ANKRD11: variants seen among roughly 807,000 people sequenced by gnomAD.
ANKRD11 encodes ankyrin repeat domain-containing protein 11.
In ANKRD11, 17 loss-of-function variants were observed where a neutral mutation model predicts 195.7. The observed-to-expected ratio is 0.09, with a 90% confidence interval of 0.06 to 0.13. The LOEUF (loss-of-function observed/expected upper bound fraction) is 0.13. Among genes scored for constraint, ANKRD11 ranks in the 10% least tolerant of loss-of-function variants. ANKRD11 has a pLI of 1.00. For synonymous variants in ANKRD11, 1,953 were observed against 1,528.1 expected (o/e 1.28, Z -6.49); for missense variants, 3,735 against 3,566.1 (o/e 1.05, Z -1.21).
At chr16:89,288,804 A>G (rs553046114) in intron 6 of ANKRD11, 134 bp from the exon 7 acceptor site, 4 of 1,240,996 alleles carry the variant, frequency 3.2e-6, no homozygotes, top group African/African-American at 3.0e-5. Context: ...TGAGGGCTGC[A>G]GTTTAGGGAA....
intron 1 of ANKRD11, among the ~76,000 whole-genome samples, chr16:89,463,233 C>G (rs796623122): frequency 6.6e-6 from 1 of 152,236 alleles, no homozygotes; most frequent in East Asian, 1.9e-4. Flanking sequence ...GAATAGAAAG[C>G]GGGGAAAGGT....
At chr16:89,431,073 C>T (rs556237846) in intron 1 of ANKRD11, among the ~76,000 whole-genome samples, 1 of 152,120 alleles carries the variant, frequency 6.6e-6, no homozygotes, top group Non-Finnish European at 1.5e-5. Context: ...TTAACATCTG[C>T]TCCTTCCTCC....
chr16:89,299,141 G>C (rs545707820), intron 4 of ANKRD11: 1 of 154,600 alleles, frequency 6.5e-6, no homozygotes, highest in Admixed American at 6.5e-5. Context: ...AGGTGGCAGA[G>C]AGTCAGGCTG....
At chr16:89,465,895 A>C (rs1214209355) in intron 1 of ANKRD11, among the ~76,000 whole-genome samples, 2 of 152,088 alleles carry the variant, frequency 1.3e-5, no homozygotes, top group African/African-American at 4.8e-5. Context: ...TATTTTTAGT[A>C]GAGATGGGGT....
At chr16:89,382,975 G>C (rs945391835) in intron 2 of ANKRD11, among the ~76,000 whole-genome samples, 2 of 152,078 alleles carry the variant, frequency 1.3e-5, no homozygotes, top group African/African-American at 2.4e-5. Flanking sequence ...CGAGGAGCTG[G>C]GATTACAGGC....
At position 89,313,673 on chromosome 16, in the gene ANKRD11, C is replaced by T. The variant is rs1314127917; in HGVS notation, c.87+3260G>A. On this transcript the variant is annotated intron_variant, in intron 3 of 12. Transcript: ENST00000301030. ...GTAGAAGACTGAGCAGAAACCATTT[C>T]AGCCTGTACCAGGAGAAGGCAGGTC... 5 of 1,162,748 alleles carry T rather than the reference C, an allele frequency of 4.3e-6. No homozygotes were observed. The Admixed American group carries it at 1.2e-4, about 27-fold the overall frequency. 72.0% of individuals were successfully genotyped at this position (1,162,748 alleles called of 1,614,324 possible). A position where few individuals can be genotyped will look rare whatever the true frequency, so the allele number is the denominator to read the frequency against.
At chr16:89,271,111 GC>G in intron 11 of ANKRD11, 1 of 627,570 alleles carries the variant, frequency 1.6e-6, no homozygotes. Flanking sequence ...CCTAAAATGC[GC>G]GTGGAGGCAG....
At chr16:89,447,745 T>C (rs2152308806) in intron 1 of ANKRD11, among the ~76,000 whole-genome samples, 1 of 150,564 alleles carries the variant, frequency 6.6e-6, no homozygotes, top group African/African-American at 2.4e-5. Context: ...CCCAACATCA[T>C]GTATTTATTA....
At position 89,291,035 on chromosome 16, in the gene ANKRD11, G is replaced by C. The variant is rs768468182; in HGVS notation, c.375C>G (p.Ala125=). 1 of 1,612,262 alleles carries C rather than the reference G, an allele frequency of 6.2e-7. No individual in the cohort carries two copies. The highest frequency in any genetic ancestry group is 1.7e-5 in the Admixed American group (1 of 60,024). Residue 125 remains alanine, a synonymous_variant, in exon 5 of 13, where the codon GCC becomes GCG. Transcript: ENST00000301030. This position sits in a 1 kb window ranked among gnomAD's most constrained non-coding sequence, Gnocchi z 5.3. ...QQVALLMQMT[A]EESANSPVDT... ...CACCTGGGCTGTTGGCAGACTCCTC[G>C]GCCGTCATCTGCATGAGAAGGGCCA...
chr16:89,295,161 T>C (rs1284965087), intron 4 of ANKRD11, among the ~76,000 whole-genome samples: 1 of 152,152 alleles, frequency 6.6e-6, no homozygotes, highest in Non-Finnish European at 1.5e-5. Flanking sequence ...TGGGAGCCAC[T>C]CCACAGCACT....
At chr16:89,384,708 C>T (rs1415252678) in intron 2 of ANKRD11, among the ~76,000 whole-genome samples, 1 of 152,020 alleles carries the variant, frequency 6.6e-6, no homozygotes, top group African/African-American at 2.4e-5. Context: ...ATTCTTCCCT[C>T]CTTTTACCTC....
chr16:89,438,646 A>T (rs1299724150), intron 1 of ANKRD11, among the ~76,000 whole-genome samples: 1 of 152,078 alleles, frequency 6.6e-6, no homozygotes, highest in African/African-American at 2.4e-5. Flanking sequence ...AAAATTTTCT[A>T]AAAAAAGACA....
chr16:89,476,661 A>C (rs1356277566), intron 1 of ANKRD11, among the ~76,000 whole-genome samples: 1 of 152,124 alleles, frequency 6.6e-6, no homozygotes, highest in Non-Finnish European at 1.5e-5. Context: ...CCTGCCAAAA[A>C]AGACTTCTCC....
rs1567544257 is a variant in ANKRD11, at chr16:89,274,908, C to T, written c.7619G>A (p.Arg2540Gln). Residue 2540 changes from arginine (R) to glutamine (Q), a missense_variant, in exon 11 of 13, where the codon CGG becomes CAG. Transcript: ENST00000301030. ...CEQEILRVHC[R>Q]AARTIANQAV... ...CTGGTTGGCGATGGTCCTGGCCGCC[C>T]GGCAGTGAACCCGCAGAATCTCCTG... 6.2e-7 allele frequency: 1 copy of T among 1,613,592 alleles called. No homozygotes were observed. Among genetic ancestry groups the T allele is most frequent in the Non-Finnish European group, 8.5e-7 (1 of 1,180,004 alleles).
chr16:89,407,825 G>T (rs1037380737), intron 2 of ANKRD11, among the ~76,000 whole-genome samples: 1 of 135,044 alleles, frequency 7.4e-6, no homozygotes, highest in Non-Finnish European at 1.5e-5. Context: ...ACTCCCACCT[G>T]AGTGAGAGTC....
chr16:89,411,231 A>G (rs1567767698), intron 2 of ANKRD11, among the ~76,000 whole-genome samples: 1 of 152,210 alleles, frequency 6.6e-6, no homozygotes, highest in Non-Finnish European at 1.5e-5. Flanking sequence ...TGCTGGTGCC[A>G]CCACGGGGGC....
rs1458557150 is a variant in ANKRD11, at chr16:89,274,665, C to G, written c.7713+149G>C. The G allele has an allele frequency of 1.3e-5, 16 of 1,213,924 alleles. No individual in the cohort carries two copies. The East Asian group carries it at 3.8e-4, about 29-fold the overall frequency. 75.2% of individuals were successfully genotyped at this position (1,213,924 alleles called of 1,614,324 possible). ...GCTCCTTTCTGAGGCTCGCCCAAGG[C>G]TAGAGGCATGCAAAGGACTCTGTAG... On this transcript the variant is annotated intron_variant, in intron 11 of 12. Coordinates refer to ENST00000301030, the MANE Select transcript of ANKRD11 (RefSeq NM_013275.6).
chr16:89,460,810 A>G (rs1755485671), intron 1 of ANKRD11, among the ~76,000 whole-genome samples: 1 of 152,168 alleles, frequency 6.6e-6, no homozygotes, highest in South Asian at 2.1e-4. Context: ...CTGTGGGGCA[A>G]ACTGTTCAAA....
At chr16:89,407,185 C>G (rs2041939248) in intron 2 of ANKRD11, among the ~76,000 whole-genome samples, 1 of 148,150 alleles carries the variant, frequency 6.7e-6, no homozygotes, top group Admixed American at 6.8e-5. Flanking sequence ...AACCCCGTCT[C>G]AAAAAGATAA....
Sources: gnomAD v4.1 joint callset for allele counts (sites outside exome capture counted in the v4.1 genomes callset) on GRCh38, gnomAD v4.1.1 for gene constraint, Gnocchi (gnomAD v3.1) non-coding constraint, MANE v1.5 for transcripts, NCBI Gene and HGNC (gene_info 2026-07-23, HGNC 2026-07-21) for gene names.